The following SCN1A variants were observed in gnomAD, a reference collection of about 807,000 sequenced individuals.
SCN1A encodes the protein sodium voltage-gated channel alpha subunit 1, also known as sodium channel protein type 1 subunit alpha.
In SCN1A, 13 loss-of-function variants were observed where a neutral mutation model predicts 193.7. The observed-to-expected ratio is 0.07, with a 90% CI of 0.04 to 0.11. SCN1A has a LOEUF of 0.11. SCN1A is among the 10% of genes least tolerant of loss of function. SCN1A has a pLI of 1.00. For synonymous variants in SCN1A, 781 were observed against 843.6 expected, an observed-to-expected ratio of 0.93 and a Z score of 1.29; for missense variants, 1,432 against 2,451.1, an observed-to-expected ratio of 0.58 and a Z score of 8.78.
chr2:166,112,937 G>T (rs1052128853), intron 2 of SCN1A, among the ~76,000 whole-genome samples: 11 of 152,262 alleles, frequency 7.2e-5, no homozygotes, highest in African/African-American at 2.6e-4. Context: ...TATACTTTCT[G>T]CTATATGTCT....
At chr2:166,050,403 G>A (rs923120546) in intron 9 of SCN1A, among the ~76,000 whole-genome samples, 10 of 150,690 alleles carry the variant, frequency 6.6e-5, no homozygotes, top group Non-Finnish European at 1.5e-4. Context: ...ATTTTACTTC[G>A]AGTATTGGAA....
chr2:166,116,229 T>C (rs1188021698), intron 2 of SCN1A, among the ~76,000 whole-genome samples: 1 of 152,146 alleles, frequency 6.6e-6, no homozygotes, highest in African/African-American at 2.4e-5. Context: ...CAGGTTCTAA[T>C]TGAGGGAAGG....
At position 166,036,484 on chromosome 2, in the gene SCN1A, T is replaced by C. The variant is rs1484321812; in HGVS notation, c.2993A>G (p.Asp998Gly). The C allele has an allele frequency of 6.2e-7, 1 of 1,612,636 alleles. No homozygotes were observed. Among genetic ancestry groups the C allele is most frequent in the African/African-American group, 1.3e-5 (1 of 74,974 alleles). ...LALLLSSFSADNLAATDDDNE... is the reference protein window; with the variant it reads ...LALLLSSFSAGNLAATDDDNE... ...ATCATCATCAGTGGCTGCAAGGTTG[T>C]CTGCACTAAATGAGCTCAGAAGCAA... Residue 998 changes from aspartate to glycine, a missense_variant, in exon 19 of 29, where the codon GAC (aspartate) becomes GGC (glycine). Asp to Gly is a moderately conservative substitution (Grantham distance 94). Coordinates refer to ENST00000674923, the MANE Select transcript of SCN1A (RefSeq NM_001165963.4).
At chr2:166,041,088 T>C in intron 16 of SCN1A, 143 bp downstream of exon 16, 2 of 707,266 alleles carry the variant, frequency 2.8e-6, no homozygotes, top group South Asian at 1.6e-5. Context: ...AAGTAGAGTA[T>C]AGCCAGCTAA....
chr2:166,040,787 C>T (rs555084165), intron 16 of SCN1A, among the ~76,000 whole-genome samples: 4 of 152,244 alleles, frequency 2.6e-5, no homozygotes, highest in African/African-American at 9.6e-5. Flanking sequence ...ATAAACAATA[C>T]ATGTACTACT....
intron 19 of SCN1A, among the ~76,000 whole-genome samples, chr2:166,017,503 G>T (rs1693461249): frequency 6.6e-6 from 1 of 151,922 alleles, no homozygotes; most frequent in Non-Finnish European, 1.5e-5. Context: ...TTCATCATTT[G>T]GCCGTAAAGT....
chr2:166,136,451 A>C (rs1691862787), intron 1 of SCN1A, among the ~76,000 whole-genome samples: 1 of 152,100 alleles, frequency 6.6e-6, no homozygotes, highest in African/African-American at 2.4e-5. Context: ...GTTATGCTAC[A>C]CACACACAAC....
In SCN1A at chr2:166,080,266, C is replaced by T. The variant is rs188025167; in HGVS notation, c.-141-2465G>A. On this transcript the variant is annotated intron_variant, in intron 2 of 28. Coordinates refer to ENST00000674923, the MANE Select transcript of SCN1A (RefSeq NM_001165963.4). Reference sequence around the variant, plus strand: ...ATCTGCAGTTTTGGCTTACAGCTTTCTCTTTTCATAAAAACCAGCATTTAA... The same window carrying T: ...ATCTGCAGTTTTGGCTTACAGCTTTTTCTTTTCATAAAAACCAGCATTTAA... Among the ~76,000 whole-genome samples, 251 of 151,850 alleles carry T rather than the reference C, an allele frequency of 1.7e-3. 3 individuals are homozygous for T. The highest frequency in any genetic ancestry group is 3.0e-3 in the Non-Finnish European group (204 of 67,782).
chr2:166,143,150 T>C (rs10803805), intron 1 of SCN1A, among the ~76,000 whole-genome samples: 119,166 of 147,846 alleles, frequency 0.81, 48,698 homozygotes, highest in African/African-American at 0.94. Context: ...GAAAGATTTA[T>C]TTTTTCAGAA....
rs1349978357 is a variant in SCN1A at position 166,042,325 on chromosome 2, T to G, written c.2143A>C (p.Ser715Arg). The change falls in exon 15 of 29, where the codon AGT becomes CGT. Residue 715 changes from serine to arginine, a missense_variant. Around this residue, in one of 18 missense-constraint regions of SCN1A, gnomAD observed 316 missense variants for 362.1 expected, o/e 0.87. Coordinates refer to ENST00000674923, the MANE Select transcript of SCN1A (RefSeq NM_001165963.4). ...GTATTTGTTAGAATGCTGGCTATAC[T>G]CATTGCTCGTTGCCTTTGGGAAGGA... The part of the protein sequence containing the change: ...EDPSQRQRAM[S>R]IASILTNTVE... 1 of 1,613,844 alleles carries G rather than the reference T, an allele frequency of 6.2e-7. No individual in the cohort carries two copies. The highest frequency in any genetic ancestry group is 2.2e-5 in the East Asian group (1 of 44,838).
At chr2:165,997,392 A>C (rs1047401932) in intron 26 of SCN1A, among the ~76,000 whole-genome samples, 3 of 151,364 alleles carry the variant, frequency 2.0e-5, no homozygotes, top group African/African-American at 7.3e-5. Context: ...AGAAAACAAA[A>C]TGTGAATGGC....
At chr2:166,032,300 C>G (rs1371352040) in intron 19 of SCN1A, among the ~76,000 whole-genome samples, 1 of 40,710 alleles carries the variant, frequency 2.5e-5, no homozygotes, top group Admixed American at 2.7e-4. Context: ...GTCTCCCTGG[C>G]ATATGATAAC....
intron 19 of SCN1A, among the ~76,000 whole-genome samples, chr2:166,026,211 C>A (rs899970717): frequency 6.6e-6 from 1 of 151,766 alleles, no homozygotes; most frequent in Admixed American, 6.6e-5. Context: ...TAATATTATC[C>A]AAAATCTAAA....
At chr2:166,118,839 T>C (rs1369877304) in intron 2 of SCN1A, among the ~76,000 whole-genome samples, 3 of 152,208 alleles carry the variant, frequency 2.0e-5, no homozygotes, top group African/African-American at 7.2e-5. Flanking sequence ...CTCATCTTTA[T>C]TGGATTTTTT....
chr2:166,110,523 G>A (rs1403474239), intron 2 of SCN1A, among the ~76,000 whole-genome samples: 2 of 152,178 alleles, frequency 1.3e-5, no homozygotes, highest in African/African-American at 4.8e-5. Flanking sequence ...TCAGAGCAAG[G>A]CTCTAACTCT....
rs142396213 is a variant in SCN1A at position 166,097,652 on chromosome 2, G to T, written c.-141-19851C>A. Among the ~76,000 whole-genome samples, 1,044 of 152,258 alleles carry T rather than the reference G, an allele frequency of 6.9e-3. 9 individuals carry two copies. The highest frequency in any genetic ancestry group is 0.024 in the African/African-American group (992 of 41,544). On this transcript the variant is annotated intron_variant, in intron 2 of 28. Coordinates refer to ENST00000674923, the MANE Select transcript of SCN1A (RefSeq NM_001165963.4). The stretch of plus-strand genomic sequence containing the variant: ...GCTGGCGTGCAGTGGCATGATCATA[G>T]CTCACTGCAGCCTTGAACTACTGGG...
At chr2:166,019,909 CTTCTT>C (rs1335016769) in intron 19 of SCN1A, among the ~76,000 whole-genome samples, 197 of 117,144 alleles carry the variant, frequency 1.7e-3, no homozygotes, top group African/African-American at 5.3e-3. Flanking sequence ...TCAAGGTGAA[CTTCTT>C]TTTTTTTTTT....
chr2:166,116,755 A>G (rs62177960), intron 2 of SCN1A, among the ~76,000 whole-genome samples: 37,013 of 152,016 alleles, frequency 0.24, 4,665 homozygotes, highest in Non-Finnish European at 0.27. Context: ...AGTTCAATGT[A>G]TTGCCATTTA....
intron 23 of SCN1A, among the ~76,000 whole-genome samples, chr2:166,004,495 C>T (rs1228328068): frequency 6.6e-6 from 1 of 151,366 alleles, no homozygotes; most frequent in African/African-American, 2.4e-5. Flanking sequence ...CTAGAACTGC[C>T]CTCTGTTATT....
Sources: gnomAD v4.1 joint callset for allele counts (sites outside exome capture counted in the v4.1 genomes callset) on GRCh38, gnomAD v4.1.1 for gene constraint, gnomAD v4.1.1 regional missense constraint, MANE v1.5 for transcripts, NCBI Gene and HGNC (gene_info 2026-07-23, HGNC 2026-07-21) for gene names.